The following CCDC149 variants were observed in gnomAD, a reference collection of about 807,000 sequenced individuals.
CCDC149 encodes coiled-coil domain containing 149, also known as coiled-coil domain-containing protein 149.
A neutral mutation model predicts 59.9 loss-of-function variants in CCDC149; 45 were observed. The observed-to-expected ratio is 0.75, with a 90% confidence interval of 0.59 to 0.96. CCDC149 has a LOEUF of 0.96. Ranked by LOEUF, CCDC149 falls within the 40% of genes least tolerant of loss-of-function variation. The probability of loss-of-function intolerance (pLI) is 0.00; values close to 1 mark genes in which losing one functional copy is unlikely to be tolerated. For missense variants in CCDC149, 584 were observed against 664.7 expected (o/e 0.88, Z 1.33); for synonymous variants, 245 against 260.6 (o/e 0.94, Z 0.58).
chr4:24,901,584 C>T (rs894212869), intron 1 of CCDC149, among the ~76,000 whole-genome samples: 3 of 152,212 alleles, frequency 2.0e-5, no homozygotes, highest in African/African-American at 4.8e-5. Flanking sequence ...TTCCCCCACA[C>T]ACTAATTTTA....
intron 3 of CCDC149, among the ~76,000 whole-genome samples, chr4:24,861,592 C>G (rs1718388402): frequency 6.6e-6 from 1 of 151,280 alleles, no homozygotes; most frequent in Non-Finnish European, 1.5e-5. Flanking sequence ...GAAGAACTTA[C>G]TCATGTAACC....
intron 9 of CCDC149, among the ~76,000 whole-genome samples, chr4:24,823,810 GCTTTT>G (rs1715558745): frequency 1.3e-5 from 2 of 152,246 alleles, no homozygotes; most frequent in African/African-American, 4.8e-5. Flanking sequence ...GGTACTTAGA[GCTTTT>G]CTTTTCTTCT....
In CCDC149 at chr4:24,837,460, G is replaced by A. The variant is rs1282293396; in HGVS notation, c.490-60C>T. The A allele has an allele frequency of 6.5e-7, 1 of 1,541,262 alleles. No homozygotes were observed. The highest frequency in any genetic ancestry group is 8.9e-7 in the Non-Finnish European group (1 of 1,122,968). On this transcript the variant is annotated intron_variant, in intron 5 of 12. Coordinates refer to ENST00000635206, the MANE Select transcript of CCDC149 (RefSeq NM_001330643.2). This position sits in a 1 kb window ranked among gnomAD's most constrained non-coding sequence, Gnocchi z 4.3. ...TCCTCAGGCTCCAGCTTTATGGCCA[G>A]AGATGGAGCCTCCCACTTGGTTGAC...
chr4:24,925,469 T>C (rs1722412738), intron 1 of CCDC149, among the ~76,000 whole-genome samples: 1 of 152,216 alleles, frequency 6.6e-6, no homozygotes, highest in South Asian at 2.1e-4. Context: ...CCATCAAAGC[T>C]AACATGCTTC....
intron 2 of CCDC149, among the ~76,000 whole-genome samples, chr4:24,873,935 C>T (rs1376315757): frequency 6.6e-6 from 1 of 151,674 alleles, no homozygotes; most frequent in Non-Finnish European, 1.5e-5. Context: ...AATCAGTTCC[C>T]ATTAGGACCA....
In CCDC149 at chr4:24,886,917, G is replaced by T. The variant is rs1319469166; in HGVS notation, c.64-10220C>A. On this transcript the variant is annotated intron_variant, in intron 1 of 12. Transcript: ENST00000635206. ...AGCTCAGTAAAATATGCCTAGTTTTGGGTGTGAATACTAGATATCATAAAA... is the reference window on the plus strand; with the variant it reads ...AGCTCAGTAAAATATGCCTAGTTTTTGGTGTGAATACTAGATATCATAAAA... Among the ~76,000 whole-genome samples, 4 of 151,872 alleles carry T rather than the reference G, an allele frequency of 2.6e-5. No individual in the cohort carries two copies. The East Asian group carries it at 7.7e-4, about 29-fold the overall frequency.
At chr4:24,848,081 C>T (rs1717415148) in intron 4 of CCDC149, among the ~76,000 whole-genome samples, 1 of 151,960 alleles carries the variant, frequency 6.6e-6, no homozygotes, top group African/African-American at 2.4e-5. Context: ...ATATCGTATG[C>T]CATTCTGAGT....
chr4:24,849,534 C>T (rs938089389), intron 4 of CCDC149, among the ~76,000 whole-genome samples: 5 of 152,208 alleles, frequency 3.3e-5, no homozygotes, highest in Admixed American at 6.5e-5. Flanking sequence ...AACGCTGCCC[C>T]CTGCCCCATG....
intron 3 of CCDC149, among the ~76,000 whole-genome samples, chr4:24,869,284 C>T (rs1313458705): frequency 6.6e-6 from 1 of 152,188 alleles, no homozygotes; most frequent in African/African-American, 2.4e-5. Context: ...GGGGCTCCAT[C>T]CCAGCTGCAG....
intron 1 of CCDC149, among the ~76,000 whole-genome samples, chr4:24,977,268 G>A (rs1356112240): frequency 2.0e-5 from 3 of 152,052 alleles, no homozygotes; most frequent in Non-Finnish European, 4.4e-5. Flanking sequence ...TTTTTCCATC[G>A]AGGACTCCAA....
intron 3 of CCDC149, among the ~76,000 whole-genome samples, chr4:24,867,159 T>C (rs1291055831): frequency 6.6e-6 from 1 of 152,170 alleles, no homozygotes; most frequent in South Asian, 2.1e-4. Flanking sequence ...AAATATCCAG[T>C]ATTCATTGAG....
rs1163234474 is a variant in CCDC149, at chr4:24,905,414, C to CGTGT, written c.63+7399_63+7402dup. On this transcript the variant is annotated intron_variant, in intron 1 of 12. Coordinates refer to ENST00000635206, the MANE Select transcript of CCDC149 (RefSeq NM_001330643.2). ...AGTCTTCTTTCTTTTTGCGTGCGTG[C>CGTGT]GTGTGTGTGTGTGTGTGTGTGTGTG... Among the ~76,000 whole-genome samples, 303 of 78,644 alleles carry CGTGT rather than the reference C, an allele frequency of 3.9e-3. 2 individuals carry two copies. Among genetic ancestry groups the CGTGT allele is most frequent in the South Asian group, 0.013 (26 of 2,072 alleles). 51.6% of individuals were successfully genotyped at this position (78,644 alleles called of 152,430 possible).
At chr4:24,948,268 G>C (rs1214035404) in intron 1 of CCDC149, among the ~76,000 whole-genome samples, 2 of 152,212 alleles carry the variant, frequency 1.3e-5, no homozygotes, top group African/African-American at 4.8e-5. Context: ...AGGGTTCTAG[G>C]TTTACAAATG....
intron 9 of CCDC149, among the ~76,000 whole-genome samples, chr4:24,825,684 A>G (rs900806274): frequency 3.3e-5 from 5 of 151,652 alleles, no homozygotes; most frequent in Admixed American, 1.3e-4. Context: ...GAGGCAGGAG[A>G]ATGGCGTGAA....
chr4:24,871,059 A>G (rs961339659), intron 3 of CCDC149, among the ~76,000 whole-genome samples: 1 of 151,862 alleles, frequency 6.6e-6, no homozygotes, highest in Admixed American at 6.6e-5. Flanking sequence ...AAAAAAAAAA[A>G]AGATAAATTT....
intron 1 of CCDC149, among the ~76,000 whole-genome samples, chr4:24,930,324 G>T (rs962500663): frequency 6.6e-6 from 1 of 152,228 alleles, no homozygotes; most frequent in Non-Finnish European, 1.5e-5. Flanking sequence ...ATCACATGGA[G>T]GGAAGCCACC....
chr4:24,886,639 C>T (rs529120922), intron 1 of CCDC149, among the ~76,000 whole-genome samples: 2 of 152,202 alleles, frequency 1.3e-5, no homozygotes, highest in Non-Finnish European at 2.9e-5. Flanking sequence ...CTTGCTAAAG[C>T]TCCCCTTCTT....
chr4:24,852,967 A>G (rs1577411479), intron 4 of CCDC149, 105 bp downstream of exon 4: 1 of 760,856 alleles, frequency 1.3e-6, no homozygotes. Flanking sequence ...AATCTATAAC[A>G]AACTTTTCAA....
chr4:24,960,233 A>T (rs1358239659), intron 1 of CCDC149, among the ~76,000 whole-genome samples: 2 of 152,010 alleles, frequency 1.3e-5, no homozygotes, highest in East Asian at 3.9e-4. Context: ...CTCTAATATA[A>T]CTCCTAAAAC....
Sources: allele counts gnomAD v4.1 joint callset (sites outside exome capture counted in the v4.1 genomes callset), GRCh38; gene constraint gnomAD v4.1.1; non-coding constraint Gnocchi (gnomAD v3.1); transcripts MANE v1.5; gene names NCBI Gene and HGNC (gene_info 2026-07-23, HGNC 2026-07-21).